CNTNAP2: variants seen among roughly 807,000 people sequenced by gnomAD.
The protein encoded by CNTNAP2 is contactin-associated protein-like 2.
In CNTNAP2, 98 loss-of-function variants were observed where a neutral mutation model predicts 155.2. That is an observed-to-expected ratio of 0.63 (90% CI 0.54 to 0.75). The LOEUF is 0.75. Among genes scored for constraint, CNTNAP2 ranks in the 30% least tolerant of loss-of-function variants. The pLI is 0.00. For missense variants in CNTNAP2, 1,727 were observed against 1,688.1 expected, an observed-to-expected ratio of 1.02 and a Z score of -0.40; for synonymous variants, 651 against 631.2, an observed-to-expected ratio of 1.03 and a Z score of -0.47.
At chr7:146,711,166 G>T (rs1461912501) in intron 1 of CNTNAP2, among the ~76,000 whole-genome samples, 1 of 150,264 alleles carries the variant, frequency 6.7e-6, no homozygotes, top group African/African-American at 2.4e-5. Flanking sequence ...GAAAATGCTT[G>T]CAAGGCAGAA....
At chr7:147,838,331 G>A (rs915143455) in intron 13 of CNTNAP2, among the ~76,000 whole-genome samples, 2 of 152,302 alleles carry the variant, frequency 1.3e-5, no homozygotes, top group Admixed American at 1.3e-4. Context: ...TAGTCTTGGT[G>A]AATAACTCGG....
intron 1 of CNTNAP2, among the ~76,000 whole-genome samples, chr7:146,307,321 A>C (rs770336204): frequency 6.6e-6 from 1 of 152,178 alleles, no homozygotes; most frequent in Non-Finnish European, 1.5e-5. Flanking sequence ...TGCTCAATGA[A>C]ATAAAAGAGG....
At chr7:148,169,841 T>C (rs1299855194) in intron 17 of CNTNAP2, among the ~76,000 whole-genome samples, 4 of 152,062 alleles carry the variant, frequency 2.6e-5, no homozygotes, top group African/African-American at 9.7e-5. Context: ...GTGCCTGTAG[T>C]CCCAGCTACT....
chr7:146,698,607 A>G (rs570034184), intron 1 of CNTNAP2, among the ~76,000 whole-genome samples: 2 of 152,084 alleles, frequency 1.3e-5, no homozygotes, highest in Admixed American at 6.6e-5. Context: ...TTAACTGTTT[A>G]TCAGAGAGTT....
intron 1 of CNTNAP2, among the ~76,000 whole-genome samples, chr7:146,543,231 A>G (rs1006634573): frequency 6.6e-6 from 1 of 151,928 alleles, no homozygotes; most frequent in Non-Finnish European, 1.5e-5. Flanking sequence ...GGTGATTCTA[A>G]TGTTCAACCA....
chr7:148,336,691 C>A (rs970762045), intron 21 of CNTNAP2, among the ~76,000 whole-genome samples: 1 of 152,192 alleles, frequency 6.6e-6, no homozygotes, highest in African/African-American at 2.4e-5. Context: ...TGCCATAGAA[C>A]TTATATCAAA....
At chr7:146,585,452 C>T (rs1017774376) in intron 1 of CNTNAP2, among the ~76,000 whole-genome samples, 28 of 152,044 alleles carry the variant, frequency 1.8e-4, no homozygotes, top group African/African-American at 6.8e-4. Context: ...CTATCATTCC[C>T]ATTTTCAGCA....
At chr7:146,494,321 G>C (rs1299651539) in intron 1 of CNTNAP2, among the ~76,000 whole-genome samples, 1 of 151,394 alleles carries the variant, frequency 6.6e-6, no homozygotes, top group Non-Finnish European at 1.5e-5. Context: ...GCCACAGAGC[G>C]AGACTCTATG....
intron 13 of CNTNAP2, among the ~76,000 whole-genome samples, chr7:147,833,884 A>G (rs559787816): frequency 5.1e-4 from 78 of 152,314 alleles, no homozygotes; most frequent in African/African-American, 1.8e-3. Flanking sequence ...TGTCACAGAC[A>G]GATATCTGGT....
intron 2 of CNTNAP2, among the ~76,000 whole-genome samples, chr7:146,815,182 T>C (rs574495309): frequency 3.9e-5 from 6 of 152,230 alleles, no homozygotes; most frequent in African/African-American, 1.4e-4. Context: ...TAGAAGATAG[T>C]AGCAAATAAC....
chr7:148,180,867 T>A (rs1014087678), intron 18 of CNTNAP2, among the ~76,000 whole-genome samples: 2 of 152,206 alleles, frequency 1.3e-5, no homozygotes, highest in African/African-American at 4.8e-5. Flanking sequence ...GTGAGGCTGT[T>A]TCCAGAGAAC....
At chr7:147,280,744 G>A (rs1329118868) in intron 8 of CNTNAP2, among the ~76,000 whole-genome samples, 1 of 151,838 alleles carries the variant, frequency 6.6e-6, no homozygotes, top group Non-Finnish European at 1.5e-5. Context: ...TTGTTCTGAT[G>A]TACTATATTT....
chr7:146,835,919 G>A (rs1803607554), intron 2 of CNTNAP2, among the ~76,000 whole-genome samples: 1 of 152,156 alleles, frequency 6.6e-6, no homozygotes, highest in African/African-American at 2.4e-5. Context: ...GGTTGGGGCA[G>A]GGTACTGGCT....
chr7:146,915,063 G>T (rs1283952993), intron 3 of CNTNAP2, among the ~76,000 whole-genome samples: 1 of 151,882 alleles, frequency 6.6e-6, no homozygotes, highest in Admixed American at 6.6e-5. Flanking sequence ...AGCACCATTT[G>T]TTAAATAGGG....
chr7:148,023,285 A>C (rs1347523928), intron 15 of CNTNAP2, among the ~76,000 whole-genome samples: 1 of 152,228 alleles, frequency 6.6e-6, no homozygotes, highest in Non-Finnish European at 1.5e-5. Flanking sequence ...AGAGAGATGC[A>C]CTGTGACTAA....
chr7:148,043,331 T>C (rs927130156), intron 15 of CNTNAP2, among the ~76,000 whole-genome samples: 52 of 152,218 alleles, frequency 3.4e-4, no homozygotes, highest in African/African-American at 9.9e-4. Context: ...AACAAAGACA[T>C]TGATTTTTAT....
intron 10 of CNTNAP2, among the ~76,000 whole-genome samples, chr7:147,412,282 T>C (rs1433184474): frequency 6.6e-6 from 1 of 152,210 alleles, no homozygotes; most frequent in African/African-American, 2.4e-5. Context: ...CACGCTGGCC[T>C]GTGCTCAGTG....
intron 12 of CNTNAP2, among the ~76,000 whole-genome samples, chr7:147,624,215 T>A (rs1305357074): frequency 6.6e-6 from 1 of 151,810 alleles, no homozygotes; most frequent in African/African-American, 2.4e-5. Context: ...TCTTGAGTAA[T>A]ACCACACAAG....
intron 9 of CNTNAP2, among the ~76,000 whole-genome samples, chr7:147,329,768 T>G (rs2116838477): frequency 6.9e-6 from 1 of 144,998 alleles, no homozygotes; most frequent in South Asian, 2.5e-4. Context: ...TCGCCATTTA[T>G]AGTTCTTAAT....
Sources: gnomAD v4.1 joint callset for allele counts (sites outside exome capture counted in the v4.1 genomes callset) on GRCh38, gnomAD v4.1.1 for gene constraint, MANE v1.5 for transcripts, NCBI Gene and HGNC (gene_info 2026-07-23, HGNC 2026-07-21) for gene names.